The following CAMSAP2 variants were observed in gnomAD, a reference collection of about 807,000 sequenced individuals.
CAMSAP2 encodes calmodulin regulated spectrin associated protein family member 2, also known as calmodulin-regulated spectrin-associated protein 2.
CAMSAP2 carries 26 observed loss-of-function variants against 146.1 expected under a neutral mutation model. That is an observed-to-expected ratio of 0.18 (90% CI 0.13 to 0.25). The LOEUF is 0.25. CAMSAP2 is among the 10% of genes least tolerant of loss of function. CAMSAP2 has a pLI of 1.00. For missense variants in CAMSAP2, 1,381 were observed against 1,759.3 expected, an observed-to-expected ratio of 0.78 and a Z score of 3.85; for synonymous variants, 499 against 596.6, an observed-to-expected ratio of 0.84 and a Z score of 2.38.
intron 11 of CAMSAP2, among the ~76,000 whole-genome samples, chr1:200,851,203 A>G (rs1312247375): frequency 6.6e-6 from 1 of 151,664 alleles, no homozygotes; most frequent in Non-Finnish European, 1.5e-5. Flanking sequence ...TTATTTATTT[A>G]TTTATTTATT....
chr1:200,855,595 A>G (rs1234106607), intron 14 of CAMSAP2, among the ~76,000 whole-genome samples: 1 of 147,074 alleles, frequency 6.8e-6, no homozygotes, highest in African/African-American at 2.5e-5. Context: ...ATTATTTTTT[A>G]TTATTAATTT....
At chr1:200,791,384 T>C (rs1665747682) in intron 2 of CAMSAP2, among the ~76,000 whole-genome samples, 1 of 152,240 alleles carries the variant, frequency 6.6e-6, no homozygotes, top group Non-Finnish European at 1.5e-5. Flanking sequence ...TTAAAGCTAC[T>C]CATATCCTTG....
rs1667843318 is a variant in CAMSAP2, at chr1:200,860,146, A to T, written c.*2087A>T. On this transcript the variant is annotated 3_prime_UTR_variant, in exon 17 of 17. Coordinates refer to ENST00000358823, the MANE Select transcript of CAMSAP2 (RefSeq NM_203459.4). ...TGCCACAGAGTTCATTGCTCTCAGT[A>T]TAAGATTTTACTTTATTAATGCAGA... 6.5e-6 allele frequency: 1 copy of T among 152,770 alleles called. No homozygotes were observed. Among genetic ancestry groups the T allele is most frequent in the Non-Finnish European group, 1.5e-5 (1 of 68,008 alleles). The allele number at this position is 152,770 out of a possible 1,614,324, so 9.5% of individuals were successfully genotyped here.
intron 2 of CAMSAP2, among the ~76,000 whole-genome samples, chr1:200,769,742 A>G (rs1265206724): frequency 6.6e-6 from 1 of 152,244 alleles, no homozygotes; most frequent in Non-Finnish European, 1.5e-5. Context: ...ACCACCCTCC[A>G]GGAACCTCAC....
chr1:200,761,390 G>C (rs1389696158), intron 2 of CAMSAP2, among the ~76,000 whole-genome samples: 1 of 152,196 alleles, frequency 6.6e-6, no homozygotes, highest in African/African-American at 2.4e-5. Context: ...GGCTAGAAGA[G>C]ATGGAAAATG....
chr1:200,741,509 T>C (rs1664173687), intron 1 of CAMSAP2, among the ~76,000 whole-genome samples: 1 of 152,206 alleles, frequency 6.6e-6, no homozygotes, highest in African/African-American at 2.4e-5. Context: ...TTAGAAAACA[T>C]GGAAAGAGGG....
chr1:200,790,920 C>A (rs537386427), intron 2 of CAMSAP2, among the ~76,000 whole-genome samples: 1 of 152,236 alleles, frequency 6.6e-6, no homozygotes, highest in South Asian at 2.1e-4. Flanking sequence ...TCTTGGCTCA[C>A]TGTAACCTCC....
chr1:200,850,248 C>G lies in CAMSAP2; in HGVS notation c.3465+14C>G. 1 of 1,542,086 alleles carries G rather than the reference C, an allele frequency of 6.5e-7. No homozygotes were observed. Among genetic ancestry groups the G allele is most frequent in the Non-Finnish European group, 8.7e-7 (1 of 1,148,726 alleles). On this transcript the variant is annotated intron_variant, in intron 11 of 16. Coordinates refer to ENST00000358823, the MANE Select transcript of CAMSAP2 (RefSeq NM_203459.4). ...TTCTTTTTTAAGGTGTAGTATTAAT[C>G]TGCATAGTTTTGGGCATCTTCATTA...
intron 3 of CAMSAP2, 128 bp downstream of exon 3, chr1:200,807,665 C>A: frequency 4.1e-6 from 2 of 486,850 alleles, no homozygotes; most frequent in East Asian, 5.0e-5. Flanking sequence ...GTAAAATACA[C>A]TTAAATTTTT....
intron 6 of CAMSAP2, among the ~76,000 whole-genome samples, chr1:200,834,648 T>G (rs1667140444): frequency 6.6e-6 from 1 of 152,176 alleles, no homozygotes; most frequent in Non-Finnish European, 1.5e-5. Context: ...GTGCGGTGGC[T>G]CATGCCTATA....
At chr1:200,761,815 T>C (rs1365007242) in intron 2 of CAMSAP2, among the ~76,000 whole-genome samples, 1 of 152,226 alleles carries the variant, frequency 6.6e-6, no homozygotes, top group East Asian at 1.9e-4. Flanking sequence ...TTCGTTTATT[T>C]GATAGCTTTG....
intron 2 of CAMSAP2, among the ~76,000 whole-genome samples, chr1:200,803,996 G>A (rs1217046383): frequency 2.0e-5 from 3 of 151,574 alleles, no homozygotes; most frequent in African/African-American, 4.9e-5. Flanking sequence ...GTGCGACCTC[G>A]GCTCACTGCA....
rs911403539 is a variant in CAMSAP2 at position 200,857,796 on chromosome 1, C to T, written c.4174C>T (p.Arg1392Trp). 1.2e-6 allele frequency: 2 copies of T among 1,606,966 alleles called. No homozygotes were observed. Among genetic ancestry groups the T allele is most frequent in the Non-Finnish European group, 1.7e-6 (2 of 1,177,920 alleles). Residue 1392 changes from arginine to tryptophan, a missense_variant, in exon 17 of 17, where the codon CGG becomes TGG. Transcript: ENST00000358823. This position sits in a 1 kb window ranked among gnomAD's most constrained non-coding sequence, Gnocchi z 4.7. ...TGCCAACAACTTCTTAATCTTGTTC[C>T]GGGATTCAGGATGCCAGTTCAGATC... ...SDANNFLILFRDSGCQFRSLY... is the reference protein window; with the variant it reads ...SDANNFLILFWDSGCQFRSLY...
chr1:200,767,594 A>T (rs559606741), intron 2 of CAMSAP2, among the ~76,000 whole-genome samples: 1 of 152,128 alleles, frequency 6.6e-6, no homozygotes, highest in East Asian at 1.9e-4. Context: ...AGGCTTGTTA[A>T]AAAAAATCCT....
At position 200,859,505 on chromosome 1, in the gene CAMSAP2, T is replaced by C. The variant is rs1205761209; in HGVS notation, c.*1446T>C. 3 of 152,644 alleles carry C rather than the reference T, an allele frequency of 2.0e-5. No individual in the cohort carries two copies. Among genetic ancestry groups the C allele is most frequent in the Admixed American group, 6.5e-5 (1 of 15,276 alleles). The allele number at this position is 152,644 out of a possible 1,614,324, so 9.5% of individuals were successfully genotyped here. A position where few individuals can be genotyped will look rare whatever the true frequency, so the allele number is the denominator to read the frequency against. On this transcript the variant is annotated 3_prime_UTR_variant, in exon 17 of 17. Transcript: ENST00000358823. The stretch of plus-strand genomic sequence containing the variant: ...TTATTATAAGGCCTTTAGGCATCAG[T>C]GCATCTGGGTTATCAACATTTTCTC...
chr1:200,783,669 T>A (rs1291605822), intron 2 of CAMSAP2, among the ~76,000 whole-genome samples: 1 of 152,056 alleles, frequency 6.6e-6, no homozygotes, highest in African/African-American at 2.4e-5. Flanking sequence ...AAATTTTTTT[T>A]TGTAGAAACA....
intron 6 of CAMSAP2, among the ~76,000 whole-genome samples, chr1:200,839,525 G>A (rs557653848): frequency 2.0e-5 from 3 of 152,102 alleles, no homozygotes; most frequent in Non-Finnish European, 2.9e-5. Flanking sequence ...AGAAAAGTAG[G>A]ATTAAGAATA....
At chr1:200,774,183 T>A (rs1264913835) in intron 2 of CAMSAP2, among the ~76,000 whole-genome samples, 1 of 152,184 alleles carries the variant, frequency 6.6e-6, no homozygotes, top group East Asian at 1.9e-4. Flanking sequence ...AGATTGTTTT[T>A]AATTAATGTC....
intron 4 of CAMSAP2, among the ~76,000 whole-genome samples, chr1:200,822,188 A>G (rs1666789833): frequency 2.0e-5 from 3 of 150,402 alleles, no homozygotes; most frequent in Non-Finnish European, 4.4e-5. Context: ...AAATTGTTCT[A>G]CCACATTTCA....
Sources: allele counts gnomAD v4.1 joint callset (sites outside exome capture counted in the v4.1 genomes callset), GRCh38; gene constraint gnomAD v4.1.1; non-coding constraint Gnocchi (gnomAD v3.1); transcripts MANE v1.5; gene names NCBI Gene and HGNC (gene_info 2026-07-23, HGNC 2026-07-21).